The following DNM2 variants were observed in gnomAD, a reference collection of about 807,000 sequenced individuals.
DNM2 encodes the protein dynamin 2.
DNM2 carries 15 observed loss-of-function variants against 99.0 expected under a neutral mutation model. The observed-to-expected ratio is 0.15, with a 90% CI of 0.10 to 0.23. The LOEUF is 0.23. DNM2 is among the 10% of genes least tolerant of loss of function. DNM2 has a pLI of 1.00. For synonymous variants in DNM2, 525 were observed against 481.2 expected, an observed-to-expected ratio of 1.09 and a Z score of -1.19; for missense variants, 742 against 1,189.4, an observed-to-expected ratio of 0.62 and a Z score of 5.53.
In DNM2 at chr19:10,829,269, G is replaced by T; in HGVS notation, c.2291+1G>T. On this transcript the variant is annotated splice_donor_variant, in intron 19 of 20. Coordinates refer to ENST00000389253, the MANE Select transcript of DNM2 (RefSeq NM_001005361.3). LOFTEE classifies it high-confidence loss of function. ...GGCTCCAGAGCGCCAGCAGCCACAG[G>T]TCCGGAAGCCTGGTTCCCCTACCCT... is the stretch of plus-strand genomic sequence containing the variant. 6.2e-7 allele frequency: 1 copy of T among 1,612,792 alleles called. No individual in the cohort carries two copies.
chr19:10,814,160 A>G (rs2072652530), intron 15 of DNM2, among the ~76,000 whole-genome samples: 1 of 148,242 alleles, frequency 6.7e-6, no homozygotes, highest in Non-Finnish European at 1.5e-5. Flanking sequence ...AGAGTGAGAG[A>G]CTCCCTCTCA....
intron 5 of DNM2, among the ~76,000 whole-genome samples, chr19:10,778,019 T>TTTCA (rs1555706616): frequency 1.4e-5 from 2 of 138,176 alleles, no homozygotes; most frequent in Admixed American, 7.3e-5. Context: ...TATTTTTTCA[T>TTTCA]TTTATTTATT....
Position 10,830,209 on chromosome 19 carries a change from C to A in DNM2, c.2374C>A (p.Pro792Thr), listed in dbSNP as rs1443504332. ...PAVRGPTPGP[P>T]LIPVPVGAAA... The stretch of plus-strand genomic sequence containing the variant: ...AGTGAGGGGCCCCACTCCAGGGCCC[C>A]CCCTGATTCCTGTTCCCGTGGGGGC... Residue 792 changes from proline (P) to threonine (T), a missense_variant, in exon 20 of 21, where the codon CCC (proline) becomes ACC (threonine). By Grantham distance (38) the Pro-to-Thr change is conservative. Around this residue, in one of 7 missense-constraint regions of DNM2, gnomAD observed 187 missense variants for 218.8 expected, o/e 0.85. Transcript: ENST00000389253. The surrounding 1 kb of genome is among the most constrained non-coding windows in gnomAD (Gnocchi z 4.8). 1.2e-6 allele frequency: 2 copies of A among 1,613,828 alleles called. No homozygotes were observed. Among genetic ancestry groups the A allele is most frequent in the Admixed American group, 3.3e-5 (2 of 59,986 alleles).
chr19:10,780,706 T>C (rs1353268219), intron 5 of DNM2, among the ~76,000 whole-genome samples: 2 of 152,118 alleles, frequency 1.3e-5, no homozygotes, highest in Admixed American at 1.3e-4. Flanking sequence ...GTTGGGAGGA[T>C]GGCTTGAGGC....
At chr19:10,757,278 G>A (rs1042898829) in intron 1 of DNM2, among the ~76,000 whole-genome samples, 1 of 152,196 alleles carries the variant, frequency 6.6e-6, no homozygotes, top group African/African-American at 2.4e-5. Flanking sequence ...AGTCAGTGCT[G>A]TGTCTCTGCA....
chr19:10,796,364 G>A lies in DNM2; in HGVS notation c.1196+925G>A, dbSNP rs918828316. 5.3e-5 allele frequency among the ~76,000 whole-genome samples: 8 copies of A among 152,156 alleles called. No individual in the cohort carries two copies. The highest frequency in any genetic ancestry group is 1.7e-4 in the African/African-American group (7 of 41,438). On this transcript the variant is annotated intron_variant, in intron 9 of 20. Coordinates refer to ENST00000389253, the MANE Select transcript of DNM2 (RefSeq NM_001005361.3). This position sits in a 1 kb window ranked among gnomAD's most constrained non-coding sequence, Gnocchi z 5.6. ...TCCCCAGAGGCTGGGGCAGGAGCATGTAGGCCTGGGCCCAGGCACACAGGG... is the reference window on the plus strand; with the variant it reads ...TCCCCAGAGGCTGGGGCAGGAGCATATAGGCCTGGGCCCAGGCACACAGGG...
chr19:10,776,733 A>G (rs565064314), intron 4 of DNM2, among the ~76,000 whole-genome samples: 2 of 152,228 alleles, frequency 1.3e-5, no homozygotes, highest in African/African-American at 4.8e-5. Flanking sequence ...CAGTCGTGTC[A>G]AACTCAAATG....
intron 1 of DNM2, among the ~76,000 whole-genome samples, chr19:10,721,609 T>C (rs769129914): frequency 6.6e-6 from 1 of 152,036 alleles, no homozygotes; most frequent in Admixed American, 6.6e-5. Context: ...AGGGGTGCAG[T>C]CCTAGCTCAT....
intron 6 of DNM2, 87 bp from the exon 7 acceptor site, chr19:10,786,477 T>G: frequency 6.2e-7 from 1 of 1,602,558 alleles, no homozygotes; most frequent in Non-Finnish European, 8.5e-7. Flanking sequence ...CACCCTGGTG[T>G]TGGCCCTTGG....
chr19:10,831,048 G>A lies in DNM2; in HGVS notation c.*1G>A, dbSNP rs201492679. ...AGCCGAGCCATCCCTGCTCGACTAG[G>A]CCTCGAGGGGGGCGTGCTCTCGGGG... On this transcript the variant is annotated 3_prime_UTR_variant, in exon 21 of 21. Transcript: ENST00000389253. The surrounding 1 kb of genome is among the most constrained non-coding windows in gnomAD (Gnocchi z 4.3). The A allele has an allele frequency of 6.2e-6, 10 of 1,602,814 alleles. No homozygotes were observed. The highest frequency in any genetic ancestry group is 1.7e-4 in the Middle Eastern group (1 of 6,036).
At chr19:10,719,604 T>C (rs2068871066) in intron 1 of DNM2, among the ~76,000 whole-genome samples, 1 of 152,170 alleles carries the variant, frequency 6.6e-6, no homozygotes, top group South Asian at 2.1e-4. Context: ...CAACCCCTCT[T>C]GCCTTTCTTG....
intron 1 of DNM2, among the ~76,000 whole-genome samples, chr19:10,727,393 TCTCA>T (rs1448059611): frequency 6.6e-6 from 1 of 151,928 alleles, no homozygotes; most frequent in Non-Finnish European, 1.5e-5. Context: ...TGAGACGGGA[TCTCA>T]CTCTGTTGCC....
At chr19:10,794,414 A>G (rs906184795) in intron 8 of DNM2, among the ~76,000 whole-genome samples, 1 of 150,996 alleles carries the variant, frequency 6.6e-6, no homozygotes, top group East Asian at 2.0e-4. Flanking sequence ...TACAATGAGC[A>G]CATAGCATTT....
chr19:10,720,401 C>T (rs11666575), intron 1 of DNM2, among the ~76,000 whole-genome samples: 207 of 151,612 alleles, frequency 1.4e-3, no homozygotes, highest in Non-Finnish European at 2.6e-3. Context: ...TTAGTAGAGA[C>T]GGGGTTTCAC....
chr19:10,822,812 T>C (rs2073019020), intron 16 of DNM2, among the ~76,000 whole-genome samples: 1 of 144,210 alleles, frequency 6.9e-6, no homozygotes, highest in Non-Finnish European at 1.5e-5. Context: ...ACTTTTTTTA[T>C]AAAAAACACA....
At chr19:10,735,503 A>G (rs564154030) in intron 1 of DNM2, among the ~76,000 whole-genome samples, 1 of 151,986 alleles carries the variant, frequency 6.6e-6, no homozygotes, top group South Asian at 2.1e-4. Context: ...ATCCTTTGGG[A>G]TCATGGAAAA....
In DNM2 at chr19:10,765,845, C is replaced by T. The variant is rs910249261; in HGVS notation, c.235+6034C>T. Among the ~76,000 whole-genome samples, 1 of 152,156 alleles carries T rather than the reference C, an allele frequency of 6.6e-6. No individual in the cohort carries two copies. Among genetic ancestry groups the T allele is most frequent in the Non-Finnish European group, 1.5e-5 (1 of 68,024 alleles). ...AGATCTCCTCTCCTTGCCTTCAGGG[C>T]CAGCCTCGTCATTGTGTTCTTTGCT... On this transcript the variant is annotated intron_variant, in intron 2 of 20. Coordinates refer to ENST00000389253, the MANE Select transcript of DNM2 (RefSeq NM_001005361.3). This position sits in a 1 kb window ranked among gnomAD's most constrained non-coding sequence, Gnocchi z 4.4.
chr19:10,812,354 C>G lies in DNM2; in HGVS notation c.1648C>G (p.Leu550Val). 6.2e-7 allele frequency: 1 copy of G among 1,609,612 alleles called. No individual in the cohort carries two copies. Residue 550 changes from leucine (L) to valine (V), a missense_variant, in exon 15 of 21, where the codon CTG becomes GTG. By Grantham distance (32) the Leu-to-Val change is conservative. Transcript: ENST00000389253. The surrounding 1 kb of genome is among the most constrained non-coding windows in gnomAD (Gnocchi z 4.0). Reference protein sequence around the residue: ...EYWFVLTAESLSWYKDEEEKE... With the variant: ...EYWFVLTAESVSWYKDEEEKE... ...CTGGTTTGTGCTGACTGCCGAGTCACTGTCCTGGTACAAGGATGAGGAGGT... is the reference window on the plus strand; with the variant it reads ...CTGGTTTGTGCTGACTGCCGAGTCAGTGTCCTGGTACAAGGATGAGGAGGT...
chr19:10,778,108 C>T (rs2071218897), intron 5 of DNM2, among the ~76,000 whole-genome samples: 1 of 151,022 alleles, frequency 6.6e-6, no homozygotes, highest in South Asian at 2.1e-4. Flanking sequence ...AGTCTGGGCT[C>T]ACTGCAACCT....
Sources: gnomAD v4.1 joint callset for allele counts (sites outside exome capture counted in the v4.1 genomes callset) on GRCh38, gnomAD v4.1.1 for gene constraint, gnomAD v4.1.1 regional missense constraint, Gnocchi (gnomAD v3.1) non-coding constraint, MANE v1.5 for transcripts, NCBI Gene and HGNC (gene_info 2026-07-23, HGNC 2026-07-21) for gene names.